NSUN5: variants seen among roughly 807,000 people sequenced by gnomAD.
NSUN5 encodes the protein NOP2/Sun RNA methyltransferase 5, also known as 28S rRNA (cytosine-C(5))-methyltransferase.
Under a neutral mutation model 51.1 loss-of-function variants are expected in NSUN5, and 39 were observed. That is an observed-to-expected ratio of 0.76 (90% CI 0.59 to 1.00). The LOEUF is 1.00. Among genes scored for constraint, NSUN5 ranks in the 50% least tolerant of loss-of-function variants. The probability of loss-of-function intolerance (pLI) is 0.00; values close to 1 mark genes in which losing one functional copy is unlikely to be tolerated. For synonymous variants in NSUN5, 266 were observed against 271.5 expected (o/e 0.98, Z 0.20); for missense variants, 526 against 614.0 (o/e 0.86, Z 1.51).
chr7:73,303,223 C>G lies in NSUN5; in HGVS notation c.*192G>C. ...GACATTAAGAATAAAAAACTGTGAT[C>G]TATCGTAGAGTACGTTCTGCATTTT... On this transcript the variant is annotated 3_prime_UTR_variant, in exon 10 of 10. Coordinates refer to ENST00000438747, the MANE Select transcript of NSUN5 (RefSeq NM_148956.4). The G allele has an allele frequency of 6.5e-7, 1 of 1,530,566 alleles. No homozygotes were observed. Among genetic ancestry groups the G allele is most frequent in the South Asian group, 1.3e-5 (1 of 78,998 alleles). The allele number at this position is 1,530,566 out of a possible 1,614,324, so 94.8% of individuals were successfully genotyped here. A position where few individuals can be genotyped will look rare whatever the true frequency, so the allele number is the denominator to read the frequency against.
Sources: gnomAD v4.1 joint callset for allele counts on GRCh38, gnomAD v4.1.1 for gene constraint, MANE v1.5 for transcripts, NCBI Gene and HGNC (gene_info 2026-07-23, HGNC 2026-07-21) for gene names.